TNNI3K: variants seen among roughly 807,000 people sequenced by gnomAD.
The protein encoded by TNNI3K is serine/threonine-protein kinase TNNI3K.
TNNI3K carries 140 observed loss-of-function variants against 114.5 expected under a neutral mutation model. That is an observed-to-expected ratio of 1.22 (90% CI 1.07 to 1.41). The LOEUF is 1.41. TNNI3K is among the 40% of genes most tolerant of loss of function. The pLI, the probability that TNNI3K is intolerant of heterozygous loss-of-function variation, is 0.00. For missense variants in TNNI3K, 1,125 were observed against 1,007.6 expected (o/e 1.12, Z -1.58); for synonymous variants, 347 against 347.5 (o/e 1.00, Z 0.02).
intron 21 of TNNI3K, among the ~76,000 whole-genome samples, chr1:74,476,767 C>A (rs1264054810): frequency 6.6e-6 from 1 of 152,120 alleles, no homozygotes; most frequent in African/African-American, 2.4e-5. Context: ...AGACAGCATT[C>A]CAGATTCTTT....
intron 4 of TNNI3K, among the ~76,000 whole-genome samples, chr1:74,268,759 C>T (rs10493540): frequency 0.11 from 16,991 of 151,794 alleles, 1,299 homozygotes; most frequent in African/African-American, 0.22. Context: ...CTATGACCTG[C>T]ATCTTAACCC....
chr1:74,538,139 A>AG (rs1207300819), intron 23 of TNNI3K, among the ~76,000 whole-genome samples: 2 of 152,164 alleles, frequency 1.3e-5, no homozygotes, highest in African/African-American at 2.4e-5. Flanking sequence ...GCTCAGCCAT[A>AG]GTCATAGAGA....
At chr1:74,543,770 C>A in intron 24 of TNNI3K, 136 bp from the exon 25 acceptor site, 3 of 907,426 alleles carry the variant, frequency 3.3e-6, no homozygotes, top group Non-Finnish European at 5.2e-6. Context: ...TGCTTTGCAA[C>A]TACTCACCAG....
intron 9 of TNNI3K, among the ~76,000 whole-genome samples, chr1:74,345,630 C>T (rs1046753815): frequency 1.8e-4 from 27 of 151,782 alleles, no homozygotes; most frequent in African/African-American, 6.3e-4. Context: ...CTATGCCCTT[C>T]CTTTAGCCAT....
At chr1:74,380,074 C>T (rs1663120173) in intron 17 of TNNI3K, among the ~76,000 whole-genome samples, 1 of 152,060 alleles carries the variant, frequency 6.6e-6, no homozygotes, top group Admixed American at 6.6e-5. Flanking sequence ...TATCATATTG[C>T]TTGCATAAAC....
intron 21 of TNNI3K, among the ~76,000 whole-genome samples, chr1:74,484,085 G>A (rs1187479501): frequency 1.3e-5 from 2 of 151,718 alleles, no homozygotes; most frequent in Non-Finnish European, 2.9e-5. Context: ...GGTACTCTAA[G>A]TGTTTAGTAA....
intron 11 of TNNI3K, among the ~76,000 whole-genome samples, chr1:74,354,420 A>G (rs1661550205): frequency 6.6e-6 from 1 of 152,008 alleles, no homozygotes; most frequent in Non-Finnish European, 1.5e-5. Flanking sequence ...TAATGATAGT[A>G]GAGTGGGCTC....
chr1:74,293,646 A>G (rs1206458800), intron 5 of TNNI3K, among the ~76,000 whole-genome samples: 1 of 151,684 alleles, frequency 6.6e-6, no homozygotes, highest in Admixed American at 6.6e-5. Context: ...TTCGATTGCA[A>G]ATAGATTCTT....
intron 20 of TNNI3K, among the ~76,000 whole-genome samples, chr1:74,450,113 G>A (rs905622915): frequency 3.4e-4 from 47 of 137,046 alleles, no homozygotes; most frequent in Middle Eastern, 7.4e-3. Context: ...ACTCAAAGCC[G>A]CTCAACTACA....
intron 4 of TNNI3K, among the ~76,000 whole-genome samples, chr1:74,258,582 A>G (rs775859592): frequency 6.6e-6 from 1 of 152,176 alleles, no homozygotes; most frequent in Non-Finnish European, 1.5e-5. Context: ...TCATGCCCAT[A>G]TCTACTTTTG....
At chr1:74,291,826 G>A (rs1483700362) in intron 5 of TNNI3K, among the ~76,000 whole-genome samples, 1 of 151,440 alleles carries the variant, frequency 6.6e-6, no homozygotes, top group African/African-American at 2.4e-5. Context: ...ATTGATTCCA[G>A]TCTATGGTAC....
intron 23 of TNNI3K, among the ~76,000 whole-genome samples, chr1:74,503,276 T>G (rs1207994292): frequency 6.6e-6 from 1 of 152,200 alleles, no homozygotes; most frequent in East Asian, 1.9e-4. Context: ...TTTAGCTAAT[T>G]CTACTTAGAA....
At chr1:74,529,168 T>G (rs1027883409) in intron 23 of TNNI3K, among the ~76,000 whole-genome samples, 1 of 152,194 alleles carries the variant, frequency 6.6e-6, no homozygotes. Context: ...ACAAAATACT[T>G]ATTAATTACA....
At chr1:74,452,636 C>T (rs1162294605) in intron 20 of TNNI3K, among the ~76,000 whole-genome samples, 2 of 152,164 alleles carry the variant, frequency 1.3e-5, no homozygotes, top group Non-Finnish European at 2.9e-5. Context: ...CCACCAATCA[C>T]TAGATTTAGC....
At chr1:74,349,867 T>C (rs1661235287) in intron 9 of TNNI3K, among the ~76,000 whole-genome samples, 1 of 152,190 alleles carries the variant, frequency 6.6e-6, no homozygotes, top group African/African-American at 2.4e-5. Flanking sequence ...CCTCTTTCCT[T>C]CTTTATTAGT....
At chr1:74,416,944 G>T (rs1326071062) in intron 17 of TNNI3K, among the ~76,000 whole-genome samples, 2 of 151,996 alleles carry the variant, frequency 1.3e-5, no homozygotes, top group Non-Finnish European at 2.9e-5. Context: ...ATAGACAAAA[G>T]ACTTGACTAG....
intron 11 of TNNI3K, among the ~76,000 whole-genome samples, chr1:74,357,008 T>TA (rs1420448605): frequency 2.0e-5 from 3 of 152,106 alleles, no homozygotes; most frequent in Non-Finnish European, 4.4e-5. Flanking sequence ...TTTCTCTTCC[T>TA]AAAAAAATGT....
intron 17 of TNNI3K, among the ~76,000 whole-genome samples, chr1:74,425,617 C>G (rs1440489699): frequency 7.2e-5 from 11 of 152,094 alleles, no homozygotes. Flanking sequence ...TTACCAATAA[C>G]TCCCCTGGCA....
rs34656417 is a variant in TNNI3K at position 74,391,957 on chromosome 1, A to ATTTTTTTTTT, written c.1772+21582_1772+21591dup. Among the ~76,000 whole-genome samples, 21 of 92,982 alleles carry ATTTTTTTTTT rather than the reference A, an allele frequency of 2.3e-4. 1 individual carries two copies. The highest frequency in any genetic ancestry group is 7.3e-4 in the South Asian group (2 of 2,756). 61.0% of individuals were successfully genotyped at this position (92,982 alleles called of 152,430 possible). A position where few individuals can be genotyped will look rare whatever the true frequency, so the allele number is the denominator to read the frequency against. On this transcript the variant is annotated intron_variant, in intron 17 of 24. Coordinates refer to ENST00000326637, the MANE Select transcript of TNNI3K (RefSeq NM_015978.3). ...TTGATTTAGGATGGTACAGCTTATTATTTTTTTTTTTTTTTTTTTTTTTTT... is the reference window on the plus strand; with the variant it reads ...TTGATTTAGGATGGTACAGCTTATTATTTTTTTTTTTTTTTTTTTTTTTTTTTTTTTTTTT...
Sources: gnomAD v4.1 joint callset for allele counts (sites outside exome capture counted in the v4.1 genomes callset) on GRCh38, gnomAD v4.1.1 for gene constraint, MANE v1.5 for transcripts, NCBI Gene and HGNC (gene_info 2026-07-23, HGNC 2026-07-21) for gene names.